THSD7B: variants seen among roughly 807,000 people sequenced by gnomAD.
THSD7B encodes thrombospondin type 1 domain containing 7B, also known as thrombospondin type-1 domain-containing protein 7B.
THSD7B carries 138 observed loss-of-function variants against 213.6 expected under a neutral mutation model. The ratio of observed to expected loss-of-function variants is 0.65; its 90% CI spans 0.56 to 0.74. The LOEUF (loss-of-function observed/expected upper bound fraction) is 0.74, where lower values mean the gene tolerates loss of function less well. Ranked by LOEUF, THSD7B falls within the 30% of genes least tolerant of loss-of-function variation. THSD7B has a pLI of 0.00. For synonymous variants in THSD7B, 742 were observed against 687.0 expected, an observed-to-expected ratio of 1.08 and a Z score of -1.25; for missense variants, 1,931 against 1,991.5, an observed-to-expected ratio of 0.97 and a Z score of 0.58.
At chr2:137,618,315 G>A in intron 18 of THSD7B, 77 bp from the exon 19 acceptor site, 1 of 1,139,290 alleles carries the variant, frequency 8.8e-7, no homozygotes, top group South Asian at 1.4e-5. Context: ...CACCAAAGCA[G>A]ATAATCAAAG....
intron 12 of THSD7B, among the ~76,000 whole-genome samples, chr2:137,377,632 CTT>C (rs113931649): frequency 1.4e-5 from 2 of 145,432 alleles, no homozygotes; most frequent in African/African-American, 2.5e-5. Context: ...ATAAAATTCA[CTT>C]TTTTTTTTTT....
At chr2:137,129,221 C>T (rs1688681828) in intron 5 of THSD7B, among the ~76,000 whole-genome samples, 1 of 152,100 alleles carries the variant, frequency 6.6e-6, no homozygotes, top group African/African-American at 2.4e-5. Context: ...TACCAGGCAT[C>T]AATCAGTATA....
intron 14 of THSD7B, among the ~76,000 whole-genome samples, chr2:137,438,719 G>A (rs1282132306): frequency 6.6e-6 from 1 of 152,028 alleles, no homozygotes; most frequent in African/African-American, 2.4e-5. Flanking sequence ...TCTTGTCCAT[G>A]TGTTACATTC....
intron 1 of THSD7B, among the ~76,000 whole-genome samples, chr2:136,833,699 A>G (rs563216375): frequency 5.3e-5 from 8 of 152,154 alleles, no homozygotes; most frequent in Non-Finnish European, 1.2e-4. Flanking sequence ...CACTCAGGCA[A>G]AGTGCAAAAG....
chr2:137,118,710 T>A (rs1688488265), intron 5 of THSD7B, among the ~76,000 whole-genome samples: 1 of 152,132 alleles, frequency 6.6e-6, no homozygotes, highest in Non-Finnish European at 1.5e-5. Flanking sequence ...TAAGAGTACA[T>A]GACCACACAA....
chr2:137,070,566 TTTA>T (rs1483511967), intron 3 of THSD7B, among the ~76,000 whole-genome samples: 2 of 151,736 alleles, frequency 1.3e-5, no homozygotes, highest in East Asian at 3.9e-4. Context: ...TTTTTTAAAT[TTTA>T]TTATTATTAT....
At chr2:136,898,590 A>G (rs1369523284) in intron 2 of THSD7B, among the ~76,000 whole-genome samples, 1 of 39,216 alleles carries the variant, frequency 2.5e-5, no homozygotes, top group African/African-American at 7.3e-5. Context: ...CCCCCCCGCC[A>G]AAAGAGCTCA....
chr2:136,803,573 A>G (rs545597531), intron 1 of THSD7B, among the ~76,000 whole-genome samples: 10 of 152,328 alleles, frequency 6.6e-5, no homozygotes, highest in African/African-American at 2.4e-4. Context: ...TTTAAATTAG[A>G]TTATATATTT....
chr2:137,600,749 CAAA>C (rs912650648), intron 17 of THSD7B, among the ~76,000 whole-genome samples: 1 of 151,956 alleles, frequency 6.6e-6, no homozygotes, highest in African/African-American at 2.4e-5. Flanking sequence ...CAAAACAAAA[CAAA>C]AAAACAAAAT....
chr2:137,168,516 G>T (rs1680178014), intron 6 of THSD7B, among the ~76,000 whole-genome samples: 1 of 152,192 alleles, frequency 6.6e-6, no homozygotes, highest in Admixed American at 6.5e-5. Flanking sequence ...GACAAGGGCA[G>T]CACAAATGAA....
chr2:137,158,127 A>G (rs1011690972), intron 5 of THSD7B, among the ~76,000 whole-genome samples: 1 of 152,170 alleles, frequency 6.6e-6, no homozygotes, highest in African/African-American at 2.4e-5. Context: ...AGAGTGCCTG[A>G]TTTAGATGGA....
At chr2:137,418,463 A>G (rs933293495) in intron 14 of THSD7B, among the ~76,000 whole-genome samples, 2 of 152,200 alleles carry the variant, frequency 1.3e-5, no homozygotes, top group Non-Finnish European at 2.9e-5. Flanking sequence ...TTTTCTGCAT[A>G]CAACTGATAA....
chr2:137,466,780 A>G (rs980474197), intron 15 of THSD7B, among the ~76,000 whole-genome samples: 7 of 152,172 alleles, frequency 4.6e-5, no homozygotes, highest in Non-Finnish European at 1.5e-5. Flanking sequence ...ATTACTTCAT[A>G]TAGCAAGAAG....
chr2:137,365,168 T>C (rs538578173), intron 12 of THSD7B, among the ~76,000 whole-genome samples: 1 of 152,322 alleles, frequency 6.6e-6, no homozygotes, highest in South Asian at 2.1e-4. Context: ...TAAACGGTGC[T>C]GGGAAAACTG....
intron 3 of THSD7B, among the ~76,000 whole-genome samples, chr2:137,070,007 T>A (rs1687450667): frequency 6.6e-6 from 1 of 151,724 alleles, no homozygotes; most frequent in Non-Finnish European, 1.5e-5. Flanking sequence ...TCCTCATCCA[T>A]ATTGATTTAA....
intron 15 of THSD7B, among the ~76,000 whole-genome samples, chr2:137,520,199 G>A (rs1416852155): frequency 6.6e-6 from 1 of 152,040 alleles, no homozygotes; most frequent in East Asian, 1.9e-4. Flanking sequence ...TTTACAGAGA[G>A]TGGGCTTCCC....
At chr2:137,238,564 T>TTTTTTTTTTTTTTTTTTTTTTTTTTTTC (rs1553481982) in intron 9 of THSD7B, among the ~76,000 whole-genome samples, 2 of 83,408 alleles carry the variant, frequency 2.4e-5, no homozygotes, top group African/African-American at 3.9e-5. Flanking sequence ...TTTTTTTTTT[T>TTTTTTTTTTTTTTTTTTTTTTTTTTTTC]GAGACGGAGT....
chr2:136,924,401 CT>C (rs35840248), intron 2 of THSD7B, among the ~76,000 whole-genome samples: 63,089 of 152,004 alleles, frequency 0.42, 15,047 homozygotes, highest in Non-Finnish European at 0.55. Flanking sequence ...CAACTTCATT[CT>C]TTTGCATGTG....
chr2:137,518,756 C>T (rs1464625488), intron 15 of THSD7B, among the ~76,000 whole-genome samples: 2 of 152,152 alleles, frequency 1.3e-5, no homozygotes, highest in Admixed American at 1.3e-4. Context: ...CGCATGGGCT[C>T]AGCAACGTGG....
Sources: gnomAD v4.1 joint callset for allele counts (sites outside exome capture counted in the v4.1 genomes callset) on GRCh38, gnomAD v4.1.1 for gene constraint, MANE v1.5 for transcripts, NCBI Gene and HGNC (gene_info 2026-07-23, HGNC 2026-07-21) for gene names.